The following AGAP4 variants were observed in gnomAD, a reference collection of about 807,000 sequenced individuals.
The protein encoded by AGAP4 is arf-GAP with GTPase, ANK repeat and PH domain-containing protein 4.
A neutral mutation model predicts 60.7 loss-of-function variants in AGAP4; 13 were observed. The observed-to-expected ratio is 0.21, with a 90% CI of 0.14 to 0.34. The LOEUF (loss-of-function observed/expected upper bound fraction) is 0.34. Among genes scored for constraint, AGAP4 ranks in the 10% least tolerant of loss-of-function variants. The probability of loss-of-function intolerance (pLI) is 1.00; values close to 1 mark genes in which losing one functional copy is unlikely to be tolerated. For synonymous variants in AGAP4, 70 were observed against 339.0 expected, an observed-to-expected ratio of 0.21 and a Z score of 8.72; for missense variants, 169 against 884.0, an observed-to-expected ratio of 0.19 and a Z score of 10.26.
intron 4 of AGAP4, among the ~76,000 whole-genome samples, chr10:45,841,332 C>A (rs1414308373): frequency 3.8e-4 from 56 of 149,106 alleles, no homozygotes; most frequent in African/African-American, 1.3e-3. Flanking sequence ...AAATTCCTGA[C>A]CTCAGATGAT....
chr10:45,847,982 C>T, upstream of AGAP4: 3 of 1,020,350 alleles, frequency 2.9e-6, no homozygotes, highest in Non-Finnish European at 3.5e-6. Flanking sequence ...TAGTTCATTA[C>T]TTGAAGCCAT....
rs1305755571 is a variant in AGAP4, at chr10:45,847,463, C to T, written c.-116G>A. The T allele has an allele frequency of 3.1e-5, 48 of 1,531,026 alleles. No individual in the cohort carries two copies. The Admixed American group carries it at 3.9e-4, about 13-fold the overall frequency. 94.8% of individuals were successfully genotyped at this position (1,531,026 alleles called of 1,614,324 possible). On this transcript the variant is annotated 5_prime_UTR_variant, in exon 1 of 8. Coordinates refer to ENST00000616763, the MANE Select transcript of AGAP4 (RefSeq NM_001276343.3). ...TTGCAGAGATGGTCTTCCCGCTCCT[C>T]GCCTGCCCACCTCACAGCGCGGCCC...
upstream of AGAP4, among the ~76,000 whole-genome samples, chr10:45,850,504 T>C (rs1454572255): frequency 1.3e-5 from 2 of 152,014 alleles, no homozygotes; most frequent in Non-Finnish European, 2.9e-5. Flanking sequence ...CATTGAACCA[T>C]GAAAAGGTGA....
chr10:45,832,011 GA>G (rs1483111333), intron 5 of AGAP4, among the ~76,000 whole-genome samples: 1 of 138,498 alleles, frequency 7.2e-6, no homozygotes, highest in African/African-American at 2.7e-5. Flanking sequence ...CCAGGTTCAA[GA>G]GATTCTCCTG....
chr10:45,844,046 A>G (rs2058962047), intron 3 of AGAP4, among the ~76,000 whole-genome samples: 1 of 150,522 alleles, frequency 6.6e-6, no homozygotes, highest in Admixed American at 6.6e-5. Context: ...AAATAAAGAT[A>G]AATCCAAGAA....
chr10:45,834,842 C>A (rs2135937735), intron 4 of AGAP4, among the ~76,000 whole-genome samples: 1 of 146,044 alleles, frequency 6.8e-6, no homozygotes, highest in Non-Finnish European at 1.5e-5. Flanking sequence ...GGCGCGATCT[C>A]GGCTCACTGC....
chr10:45,839,772 A>G (rs1385252176), intron 4 of AGAP4, among the ~76,000 whole-genome samples: 6 of 119,660 alleles, frequency 5.0e-5, no homozygotes, highest in African/African-American at 1.3e-4. Flanking sequence ...AGCCTCCAAG[A>G]AAAGAGATCA....
chr10:45,842,212 T>C (rs1475288438), intron 3 of AGAP4, among the ~76,000 whole-genome samples: 1,935 of 134,350 alleles, frequency 0.014, no homozygotes, highest in African/African-American at 0.017. Flanking sequence ...TAAAAAATGG[T>C]CTTTACACAA....
At chr10:45,852,596 G>C (rs1380175580) in intron 1 of AGAP4, among the ~76,000 whole-genome samples, 137 of 151,498 alleles carry the variant, frequency 9.0e-4, no homozygotes, top group Non-Finnish European at 1.6e-3. Context: ...AGGAAGCAAA[G>C]GGTCATTTCA....
chr10:45,849,916 A>C (rs1190513390), upstream of AGAP4, among the ~76,000 whole-genome samples: 2 of 150,472 alleles, frequency 1.3e-5, no homozygotes, highest in Non-Finnish European at 3.0e-5. Context: ...CCAGATTCGT[A>C]TATTTTTAAA....
intron 5 of AGAP4, among the ~76,000 whole-genome samples, chr10:45,831,843 G>A (rs2058736561): frequency 7.0e-6 from 1 of 141,848 alleles, no homozygotes; most frequent in African/African-American, 2.6e-5. Flanking sequence ...AGGTTCAAGC[G>A]ATTCTCATGC....
At chr10:45,853,102 AG>A (rs1420970789) in intron 1 of AGAP4, among the ~76,000 whole-genome samples, 3 of 151,812 alleles carry the variant, frequency 2.0e-5, no homozygotes, top group African/African-American at 7.3e-5. Context: ...AGAAAAAATG[AG>A]AAAAATTAAA....
At chr10:45,834,426 A>G (rs1393581342) in intron 4 of AGAP4, among the ~76,000 whole-genome samples, 2 of 141,666 alleles carry the variant, frequency 1.4e-5, no homozygotes, top group Non-Finnish European at 3.0e-5. Flanking sequence ...CTGTAATCCT[A>G]GCACTTTGGG....
intron 3 of AGAP4, among the ~76,000 whole-genome samples, chr10:45,843,991 AG>A: frequency 1.3e-5 from 2 of 149,952 alleles, no homozygotes; most frequent in South Asian, 4.2e-4. Context: ...TACTTTTTGG[AG>A]CAAGGGAAAA....
upstream of AGAP4, among the ~76,000 whole-genome samples, chr10:45,852,236 A>ACAAACAAAC (rs2059093979): frequency 4.0e-5 from 6 of 149,744 alleles, 1 homozygote; most frequent in African/African-American, 1.5e-4. Context: ...AAAAAAAAAA[A>ACAAACAAAC]AAAAAAACTA....
upstream of AGAP4, chr10:45,847,526 C>T (rs1312413866): frequency 2.2e-5 from 33 of 1,500,064 alleles, no homozygotes; most frequent in Middle Eastern, 2.4e-4. Flanking sequence ...GCCCCGGCCC[C>T]GGCTAGGGCT....
At chr10:45,844,534 A>G (rs2058970412) in intron 2 of AGAP4, 140 bp from the exon 3 acceptor site, 9 of 1,456,096 alleles carry the variant, frequency 6.2e-6, no homozygotes, top group Non-Finnish European at 8.2e-6. Context: ...GTATAGACAT[A>G]AGAGAGAGCC....
At position 45,826,528 on chromosome 10, in the gene AGAP4, TCA is replaced by T. The variant is rs2058650793; in HGVS notation, c.1446_1447del (p.Cys482Ter). 6.3e-7 allele frequency: 1 copy of T among 1,595,836 alleles called. No homozygotes were observed. The highest frequency in any genetic ancestry group is 1.4e-5 in the African/African-American group (1 of 71,874). The stretch of plus-strand genomic sequence containing the variant: ...ACTGGCCCACTTAGGATTCTGGGTC[TCA>T]CAGTCCACACAGTGGGCGTTCCCAC... On this transcript the variant is annotated stop_gained and frameshift_variant, in exon 8 of 8. Coordinates refer to ENST00000616763, the MANE Select transcript of AGAP4 (RefSeq NM_001276343.3). LOFTEE classifies it high-confidence loss of function.
chr10:45,846,862 C>T lies in AGAP4; in HGVS notation c.224-107G>A, dbSNP rs2059007362. 6.9e-6 allele frequency: 5 copies of T among 719,692 alleles called. No homozygotes were observed. In the South Asian group the frequency reaches 7.6e-5, roughly 11 times the overall value. The allele number at this position is 719,692 out of a possible 1,614,324, so 44.6% of individuals were successfully genotyped here. A position where few individuals can be genotyped will look rare whatever the true frequency, so the allele number is the denominator to read the frequency against. On this transcript the variant is annotated intron_variant, in intron 1 of 7. Coordinates refer to ENST00000616763, the MANE Select transcript of AGAP4 (RefSeq NM_001276343.3). ...TCGACAAGAGCCATAAATAAATGGT[C>T]CCATGCCAGCCTGGGAGAATGAGAT... is the stretch of plus-strand genomic sequence containing the variant.
Sources: allele counts gnomAD v4.1 joint callset (sites outside exome capture counted in the v4.1 genomes callset), GRCh38; gene constraint gnomAD v4.1.1; transcripts MANE v1.5; gene names NCBI Gene and HGNC (gene_info 2026-07-23, HGNC 2026-07-21).